ZDHHC7: variants seen among roughly 807,000 people sequenced by gnomAD.
ZDHHC7 encodes zDHHC palmitoyltransferase 7.
In ZDHHC7, 12 loss-of-function variants were observed where a neutral mutation model predicts 34.1. The observed-to-expected ratio is 0.35, with a 90% CI of 0.23 to 0.57. The LOEUF is 0.57. ZDHHC7 is among the 20% of genes least tolerant of loss of function. The pLI, the probability that ZDHHC7 is intolerant of heterozygous loss-of-function variation, is 0.84. For missense variants in ZDHHC7, 388 were observed against 402.7 expected, an observed-to-expected ratio of 0.96 and a Z score of 0.31; for synonymous variants, 185 against 155.4, an observed-to-expected ratio of 1.19 and a Z score of -1.42.
intron 6 of ZDHHC7, 61 bp from the exon 7 acceptor site, chr16:84,977,286 G>C: frequency 1.3e-6 from 2 of 1,593,980 alleles, no homozygotes; most frequent in South Asian, 2.3e-5. Context: ...CAGAATGTTT[G>C]GCTCAGAGAA....
intron 2 of ZDHHC7, among the ~76,000 whole-genome samples, chr16:84,993,840 C>A (rs2072541262): frequency 6.6e-6 from 1 of 152,162 alleles, no homozygotes. Context: ...TCTACATAAA[C>A]CTCATTCACC....
intron 2 of ZDHHC7, among the ~76,000 whole-genome samples, chr16:84,994,367 A>C (rs1567500911): frequency 6.6e-6 from 1 of 152,218 alleles, no homozygotes. Flanking sequence ...AAGCTGAAAA[A>C]TTCCTCTGAG....
the ZDHHC7 span, among the ~76,000 whole-genome samples, chr16:85,021,811 G>A: frequency 5.3e-5 from 8 of 151,618 alleles, no homozygotes; most frequent in Non-Finnish European, 1.0e-4. Flanking sequence ...GGGAGGAGGA[G>A]GAGAGGAGAA....
the ZDHHC7 span, among the ~76,000 whole-genome samples, chr16:85,017,259 G>C: frequency 3.3e-5 from 5 of 152,170 alleles, no homozygotes; most frequent in Non-Finnish European, 7.3e-5. Context: ...TGAAAGATAT[G>C]AAAGTGCTCA....
chr16:84,976,557 G>A lies in ZDHHC7; in HGVS notation c.751-38C>T, dbSNP rs376995087. The A allele has an allele frequency of 3.7e-4, 589 of 1,602,342 alleles. 1 individual carries two copies. Among genetic ancestry groups the A allele is most frequent in the Non-Finnish European group, 4.7e-4 (557 of 1,175,956 alleles). On this transcript the variant is annotated intron_variant, in intron 7 of 7. Coordinates refer to ENST00000313732, the MANE Select transcript of ZDHHC7 (RefSeq NM_017740.3). ...AGAAAAGCAAGTGGCAGCGGCTCCA[G>A]GAAGCTCGGCAGACCCCACCAAGCC...
intron 3 of ZDHHC7, among the ~76,000 whole-genome samples, chr16:84,984,606 G>T (rs925606361): frequency 6.6e-6 from 1 of 152,188 alleles, no homozygotes; most frequent in African/African-American, 2.4e-5. Flanking sequence ...CCAAGGAAAG[G>T]CATTTCGAAG....
rs768759441 is a variant in ZDHHC7, at chr16:84,979,281, A to G, written c.445T>C (p.Cys149Arg). The change falls in exon 5 of 8, where the codon TGC becomes CGC. Residue 149 changes from cysteine to arginine, a missense_variant. Physicochemically the swap from Cys to Arg is radical, Grantham distance 180. Coordinates refer to ENST00000313732, the MANE Select transcript of ZDHHC7 (RefSeq NM_017740.3). Reference sequence around the variant, plus strand: ...TCCATTTTCCGAATACATCTTTTGCAAATACTGAAAAGGAGAGTTTGATTT... The same window carrying G: ...TCCATTTTCCGAATACATCTTTTGCGAATACTGAAAAGGAGAGTTTGATTT... ...KPERAHHCSICKRCIRKMDHH... is the reference protein window; with the variant it reads ...KPERAHHCSIRKRCIRKMDHH... 1 of 1,609,598 alleles carries G rather than the reference A, an allele frequency of 6.2e-7. No individual in the cohort carries two copies. The highest frequency in any genetic ancestry group is 1.1e-5 in the South Asian group (1 of 89,424).
At chr16:85,021,251 A>G in the ZDHHC7 span, among the ~76,000 whole-genome samples, 1 of 151,922 alleles carries the variant, frequency 6.6e-6, no homozygotes, top group Non-Finnish European at 1.5e-5. Flanking sequence ...GTCTGTACTA[A>G]AAATACAAAA....
chr16:84,988,530 C>A (rs9923462), intron 3 of ZDHHC7, among the ~76,000 whole-genome samples: 1 of 152,180 alleles, frequency 6.6e-6, no homozygotes, highest in Non-Finnish European at 1.5e-5. Context: ...GGCGGCAGCA[C>A]GCCCTGCACA....
chr16:85,005,814 T>C (rs2072710321), intron 1 of ZDHHC7, among the ~76,000 whole-genome samples: 1 of 152,194 alleles, frequency 6.6e-6, no homozygotes. Flanking sequence ...AACATAGAGC[T>C]AGCGTCTTTT....
upstream of ZDHHC7, among the ~76,000 whole-genome samples, chr16:85,015,244 C>T (rs941489725): frequency 9.9e-5 from 15 of 151,788 alleles, no homozygotes; most frequent in Admixed American, 1.3e-4. Context: ...GGATTACAGG[C>T]GCCCACCACC....
upstream of ZDHHC7, among the ~76,000 whole-genome samples, chr16:85,013,538 C>T (rs187241357): frequency 2.8e-3 from 429 of 152,058 alleles, 2 homozygotes; most frequent in African/African-American, 9.8e-3. Flanking sequence ...CCACCACGCC[C>T]GGCCAAAGGT....
chr16:84,994,016 G>A (rs1021927193), intron 2 of ZDHHC7, among the ~76,000 whole-genome samples: 1 of 152,208 alleles, frequency 6.6e-6, no homozygotes, highest in Non-Finnish European at 1.5e-5. Context: ...CTGACTGTCA[G>A]GGGGCTGAGA....
chr16:84,987,921 G>C (rs2072458044), intron 3 of ZDHHC7, among the ~76,000 whole-genome samples: 1 of 152,228 alleles, frequency 6.6e-6, no homozygotes, highest in Non-Finnish European at 1.5e-5. Context: ...AATCATCCCA[G>C]CACTTCGGGA....
chr16:85,005,463 G>A (rs181646039), intron 1 of ZDHHC7, among the ~76,000 whole-genome samples: 92 of 152,284 alleles, frequency 6.0e-4, no homozygotes, highest in Admixed American at 3.6e-3. Context: ...AAAGCCAGGC[G>A]TATCACGAGC....
the ZDHHC7 span, among the ~76,000 whole-genome samples, chr16:85,026,755 A>T: frequency 6.6e-6 from 1 of 151,960 alleles, no homozygotes; most frequent in South Asian, 2.1e-4. Context: ...CCTATTTCAG[A>T]TATCACTGCA....
rs1247116325 is a variant in ZDHHC7, at chr16:84,976,442, C to G, written c.828G>C (p.Gly276=). The change falls in exon 8 of 8, where the codon GGG becomes GGC. Residue 276 remains glycine, a synonymous_variant. Coordinates refer to ENST00000313732, the MANE Select transcript of ZDHHC7 (RefSeq NM_017740.3). ...TCATCCAGAGGAGTGAGGGGGGCCC[C>G]CCAAAGACGGACTTCATCCCTTCCC... is the stretch of plus-strand genomic sequence containing the variant. ...LRWEGMKSVF[G]GPPSLLWMNP... 1 of 1,614,128 alleles carries G rather than the reference C, an allele frequency of 6.2e-7. No homozygotes were observed. The highest frequency in any genetic ancestry group is 8.5e-7 in the Non-Finnish European group (1 of 1,180,020).
chr16:85,016,166 T>C, upstream of ZDHHC7, among the ~76,000 whole-genome samples: 1 of 152,032 alleles, frequency 6.6e-6, no homozygotes, highest in East Asian at 1.9e-4. Context: ...ATTTTATTTT[T>C]TTAACTTTTT....
chr16:84,981,560 C>G (rs1420715850), intron 4 of ZDHHC7, among the ~76,000 whole-genome samples: 2 of 152,212 alleles, frequency 1.3e-5, no homozygotes, highest in African/African-American at 4.8e-5. Flanking sequence ...GCCTGTGTGG[C>G]ATGTGTGCCA....
Sources: allele counts gnomAD v4.1 joint callset (sites outside exome capture counted in the v4.1 genomes callset), GRCh38; gene constraint gnomAD v4.1.1; transcripts MANE v1.5; gene names NCBI Gene and HGNC (gene_info 2026-07-23, HGNC 2026-07-21).